Variants in UBASH3B observed in about 807,000 individuals in gnomAD.
UBASH3B encodes the protein ubiquitin-associated and SH3 domain-containing protein B.
UBASH3B carries 37 observed loss-of-function variants against 83.4 expected under a neutral mutation model. The observed-to-expected ratio is 0.44, with a 90% CI of 0.34 to 0.58. The LOEUF is 0.58. Among genes scored for constraint, UBASH3B ranks in the 20% least tolerant of loss-of-function variants. The pLI, the probability that UBASH3B is intolerant of heterozygous loss-of-function variation, is 0.01. For synonymous variants in UBASH3B, 304 were observed against 318.3 expected (o/e 0.96, Z 0.48); for missense variants, 657 against 827.2 (o/e 0.79, Z 2.52).
At chr11:122,754,118 C>T (rs750776481) in intron 1 of UBASH3B, among the ~76,000 whole-genome samples, 2 of 152,160 alleles carry the variant, frequency 1.3e-5, no homozygotes, top group South Asian at 2.1e-4. Context: ...GGCCGCTGCA[C>T]GTCTAATGGA....
At chr11:122,760,893 C>A (rs980531636) in intron 1 of UBASH3B, among the ~76,000 whole-genome samples, 9 of 152,166 alleles carry the variant, frequency 5.9e-5, no homozygotes, top group Non-Finnish European at 1.2e-4. Context: ...TATTCCATAC[C>A]TAACTATACT....
At chr11:122,679,750 A>G (rs1415393482) in intron 1 of UBASH3B, among the ~76,000 whole-genome samples, 1 of 152,224 alleles carries the variant, frequency 6.6e-6, no homozygotes, top group African/African-American at 2.4e-5. Flanking sequence ...ATGAAAGTTT[A>G]TTTGTGGGCA....
intron 1 of UBASH3B, among the ~76,000 whole-genome samples, chr11:122,701,087 C>T (rs1290259646): frequency 6.6e-6 from 1 of 152,200 alleles, no homozygotes; most frequent in Non-Finnish European, 1.5e-5. Flanking sequence ...CCCTGTCAAG[C>T]CCACGGGCTG....
chr11:122,747,589 C>T (rs1367277613), intron 1 of UBASH3B, among the ~76,000 whole-genome samples: 1 of 152,176 alleles, frequency 6.6e-6, no homozygotes. Flanking sequence ...AGCGGGATAA[C>T]ATATTATAAA....
At chr11:122,777,335 G>A in intron 3 of UBASH3B, 125 bp downstream of exon 3, 1 of 1,082,688 alleles carries the variant, frequency 9.2e-7, no homozygotes, top group South Asian at 1.7e-5. Context: ...TCCTACAGCT[G>A]GAGGGACCTT....
chr11:122,761,673 G>A (rs1184006182), intron 1 of UBASH3B, among the ~76,000 whole-genome samples: 3 of 151,024 alleles, frequency 2.0e-5, no homozygotes, highest in African/African-American at 4.9e-5. Flanking sequence ...GCTGATTCTA[G>A]TGGGTTAGAG....
chr11:122,663,838 T>C (rs1007567209), intron 1 of UBASH3B, among the ~76,000 whole-genome samples: 11 of 152,204 alleles, frequency 7.2e-5, no homozygotes, highest in African/African-American at 2.7e-4. Context: ...TTGCTGAACA[T>C]GCTAAGCCTC....
intron 1 of UBASH3B, among the ~76,000 whole-genome samples, chr11:122,748,806 A>G (rs1208948853): frequency 3.3e-5 from 5 of 152,198 alleles, no homozygotes; most frequent in African/African-American, 9.6e-5. Flanking sequence ...TCTCTTGCAC[A>G]CGCTTGTGCT....
chr11:122,706,106 C>CTTTTTTTT (rs36055058), intron 1 of UBASH3B, among the ~76,000 whole-genome samples: 3 of 127,032 alleles, frequency 2.4e-5, no homozygotes, highest in East Asian at 2.5e-4. Flanking sequence ...TCTTTTCTTT[C>CTTTTTTTT]TTTTTTTTTT....
intron 1 of UBASH3B, among the ~76,000 whole-genome samples, chr11:122,719,132 TTAC>T (rs1379303655): frequency 6.6e-6 from 1 of 152,250 alleles, no homozygotes; most frequent in East Asian, 1.9e-4. Context: ...ATGGGTATTC[TTAC>T]ACTGCCAATT....
intron 1 of UBASH3B, among the ~76,000 whole-genome samples, chr11:122,690,167 C>CATATATATATAT (rs57203901): frequency 1.0e-3 from 45 of 43,558 alleles, no homozygotes; most frequent in South Asian, 2.9e-3. Flanking sequence ...GGCAGGAAAA[C>CATATATATATAT]ATATATATAT....
At chr11:122,723,694 C>G (rs1201412221) in intron 1 of UBASH3B, among the ~76,000 whole-genome samples, 1 of 152,164 alleles carries the variant, frequency 6.6e-6, no homozygotes, top group Non-Finnish European at 1.5e-5. Context: ...CCAAAGAGCA[C>G]CGGGTAGAAA....
chr11:122,780,562 A>T (rs1178248085), intron 4 of UBASH3B, among the ~76,000 whole-genome samples: 2 of 152,236 alleles, frequency 1.3e-5, no homozygotes, highest in African/African-American at 2.4e-5. Context: ...CTACATGAGG[A>T]GTGCTACAGG....
chr11:122,696,897 G>A (rs923427611), intron 1 of UBASH3B, among the ~76,000 whole-genome samples: 1 of 152,132 alleles, frequency 6.6e-6, no homozygotes, highest in Non-Finnish European at 1.5e-5. Context: ...CGTGGGTGGG[G>A]GTTCCTCCCG....
intron 1 of UBASH3B, among the ~76,000 whole-genome samples, chr11:122,774,646 G>C (rs566943448): frequency 4.8e-4 from 73 of 152,310 alleles, no homozygotes; most frequent in African/African-American, 1.7e-3. Flanking sequence ...GATGCTTGCA[G>C]AGTGTCAGTG....
At chr11:122,728,297 G>A (rs1411222501) in intron 1 of UBASH3B, among the ~76,000 whole-genome samples, 1 of 152,134 alleles carries the variant, frequency 6.6e-6, no homozygotes, top group Non-Finnish European at 1.5e-5. Context: ...AATTCCGGAT[G>A]CTACTTGGGA....
At position 122,704,026 on chromosome 11, in the gene UBASH3B, C is replaced by T. The variant is rs538021856; in HGVS notation, c.161+47816C>T. Among the ~76,000 whole-genome samples the T allele has an allele frequency of 6.6e-5, 10 of 152,214 alleles. No individual in the cohort carries two copies. In the South Asian group the frequency reaches 8.3e-4, roughly 13 times the overall value. ...ACCTCAACAATGACTCACTTGGACT[C>T]GGAAACCAACCTAACTTACTCAGGG... On this transcript the variant is annotated intron_variant, in intron 1 of 13. Coordinates refer to ENST00000284273, the MANE Select transcript of UBASH3B (RefSeq NM_032873.5).
rs1233614383 is a variant in UBASH3B, at chr11:122,812,040, T to C, written c.*2154T>C. The C allele has an allele frequency of 2.0e-5, 3 of 152,248 alleles. No homozygotes were observed. In the East Asian group the frequency reaches 5.8e-4, roughly 29 times the overall value. 9.4% of individuals were successfully genotyped at this position (152,248 alleles called of 1,614,324 possible). A position where few individuals can be genotyped will look rare whatever the true frequency, so the allele number is the denominator to read the frequency against. On this transcript the variant is annotated 3_prime_UTR_variant, in exon 14 of 14. Coordinates refer to ENST00000284273, the MANE Select transcript of UBASH3B (RefSeq NM_032873.5). ...ATGAAATAGAGTCTGGAATAGGTTATCCACTCCATCTTCTAGGTTATCTTA... is the reference window on the plus strand; with the variant it reads ...ATGAAATAGAGTCTGGAATAGGTTACCCACTCCATCTTCTAGGTTATCTTA...
At chr11:122,737,152 A>G (rs1253676704) in intron 1 of UBASH3B, among the ~76,000 whole-genome samples, 1 of 152,192 alleles carries the variant, frequency 6.6e-6, no homozygotes, top group East Asian at 1.9e-4. Flanking sequence ...CATACAGGCA[A>G]ATTAGCCATG....
Sources: allele counts gnomAD v4.1 joint callset (sites outside exome capture counted in the v4.1 genomes callset), GRCh38; gene constraint gnomAD v4.1.1; transcripts MANE v1.5; gene names NCBI Gene and HGNC (gene_info 2026-07-23, HGNC 2026-07-21).